The following NEGR1 variants were observed in gnomAD, a reference collection of about 807,000 sequenced individuals.
The protein encoded by NEGR1 is IgLON family member 4.
A neutral mutation model predicts 40.9 loss-of-function variants in NEGR1; 10 were observed. The ratio of observed to expected loss-of-function variants is 0.24; its 90% confidence interval spans 0.15 to 0.42. The LOEUF (loss-of-function observed/expected upper bound fraction) is 0.42, where lower values mean the gene tolerates loss of function less well. NEGR1 is among the 10% of genes least tolerant of loss of function. NEGR1 has a pLI of 1.00. For synonymous variants in NEGR1, 185 were observed against 166.8 expected (o/e 1.11, Z -0.84); for missense variants, 352 against 438.9 (o/e 0.80, Z 1.77).
intron 1 of NEGR1, among the ~76,000 whole-genome samples, chr1:72,227,109 T>G (rs1557587793): frequency 1.3e-5 from 2 of 152,110 alleles, no homozygotes; most frequent in African/African-American, 4.8e-5. Context: ...TGGGATGTGC[T>G]CTCTTGCATT....
chr1:72,136,607 G>T (rs1345511825), intron 1 of NEGR1, among the ~76,000 whole-genome samples: 6 of 121,552 alleles, frequency 4.9e-5, no homozygotes, highest in Non-Finnish European at 7.2e-5. Context: ...CAAAAAAAAT[G>T]AACTGAAACA....
At chr1:71,859,236 T>G (rs557904295) in intron 2 of NEGR1, among the ~76,000 whole-genome samples, 3 of 152,146 alleles carry the variant, frequency 2.0e-5, no homozygotes, top group Admixed American at 2.0e-4. Flanking sequence ...TCTCTGCTGT[T>G]TCCAGAACAT....
intron 2 of NEGR1, among the ~76,000 whole-genome samples, chr1:71,872,969 T>G (rs561846159): frequency 6.6e-6 from 1 of 152,140 alleles, no homozygotes; most frequent in South Asian, 2.1e-4. Flanking sequence ...CACACTACCC[T>G]TAGACTTAAC....
rs147852843 is a variant in NEGR1, at chr1:71,778,256, T to C, written c.410-1959A>G. On this transcript the variant is annotated intron_variant, in intron 2 of 6. Coordinates refer to ENST00000357731, the MANE Select transcript of NEGR1 (RefSeq NM_173808.3). ...AATGGTTCAATTATAATGTTTTTACTTTATAATGGTGTGAAAATAATATCC... is the reference window on the plus strand; with the variant it reads ...AATGGTTCAATTATAATGTTTTTACCTTATAATGGTGTGAAAATAATATCC... 5.3e-5 allele frequency among the ~76,000 whole-genome samples: 8 copies of C among 152,192 alleles called. No individual in the cohort carries two copies. In the East Asian group the frequency reaches 1.5e-3, roughly 29 times the overall value.
intron 4 of NEGR1, among the ~76,000 whole-genome samples, chr1:71,667,161 A>C (rs549411884): frequency 6.6e-6 from 1 of 152,226 alleles, no homozygotes; most frequent in Non-Finnish European, 1.5e-5. Flanking sequence ...ATTTTAGCAA[A>C]TGCAAAAATC....
At chr1:72,178,171 C>T (rs1441521066) in intron 1 of NEGR1, among the ~76,000 whole-genome samples, 1 of 151,724 alleles carries the variant, frequency 6.6e-6, no homozygotes, top group Non-Finnish European at 1.5e-5. Context: ...GGTTTATACT[C>T]AAAGGAACAA....
chr1:72,170,888 C>A (rs1038111759), intron 1 of NEGR1, among the ~76,000 whole-genome samples: 1 of 152,052 alleles, frequency 6.6e-6, no homozygotes, highest in Admixed American at 6.6e-5. Context: ...TGTGGGATAG[C>A]CTTATGCTTT....
chr1:71,970,400 C>T (rs982455355), intron 1 of NEGR1, among the ~76,000 whole-genome samples: 1 of 152,018 alleles, frequency 6.6e-6, no homozygotes, highest in Non-Finnish European at 1.5e-5. Flanking sequence ...AAAAAAGTCA[C>T]TCAATTAAGG....
chr1:72,191,431 GAGAC>G (rs1448259931), intron 1 of NEGR1, among the ~76,000 whole-genome samples: 3 of 151,746 alleles, frequency 2.0e-5, no homozygotes. Context: ...GGGAGAATGA[GAGAC>G]AGACAGAGAG....
At chr1:71,927,804 C>T (rs1281325207) in intron 2 of NEGR1, among the ~76,000 whole-genome samples, 1 of 95,256 alleles carries the variant, frequency 1.0e-5, no homozygotes, top group Non-Finnish European at 1.9e-5. Context: ...GGCAACATGG[C>T]AAGACCCAAT....
chr1:71,839,292 C>T (rs1040639034), intron 2 of NEGR1, among the ~76,000 whole-genome samples: 1 of 149,218 alleles, frequency 6.7e-6, no homozygotes, highest in Admixed American at 6.7e-5. Context: ...CAACCTCCTC[C>T]TCCTGGGTTC....
chr1:71,926,588 T>C lies in NEGR1; in HGVS notation c.409+8491A>G, dbSNP rs540412425. Among the ~76,000 whole-genome samples the C allele has an allele frequency of 3.3e-4, 49 of 148,620 alleles. No individual in the cohort carries two copies. The Middle Eastern group carries it at 0.021, about 64-fold the overall frequency. On this transcript the variant is annotated intron_variant, in intron 2 of 6. Coordinates refer to ENST00000357731, the MANE Select transcript of NEGR1 (RefSeq NM_173808.3). ...CTATGAACTCACAAAGTTCCTTCTA[T>C]AGGAAAAAAAAAAAGAGATGACTCA...
chr1:71,635,264 C>G (rs1006221746), intron 4 of NEGR1, among the ~76,000 whole-genome samples: 1 of 152,014 alleles, frequency 6.6e-6, no homozygotes, highest in Non-Finnish European at 1.5e-5. Flanking sequence ...AAGCCTCTCC[C>G]GACTTTAACC....
In NEGR1 at chr1:71,830,943, G is replaced by GA. The variant is rs368927272; in HGVS notation, c.410-54647dup. On this transcript the variant is annotated intron_variant, in intron 2 of 6. Coordinates refer to ENST00000357731, the MANE Select transcript of NEGR1 (RefSeq NM_173808.3). ...TTTTAAGATCACACCATAGTTGTGG[G>GA]AAAAAAAAAATGTGTACCATTTGGA... 2.6e-3 allele frequency among the ~76,000 whole-genome samples: 391 copies of GA among 147,978 alleles called. 3 individuals carry two copies. The highest frequency in any genetic ancestry group is 6.4e-3 in the African/African-American group (260 of 40,528).
intron 4 of NEGR1, among the ~76,000 whole-genome samples, chr1:71,675,408 T>C (rs930256162): frequency 1.4e-4 from 21 of 151,214 alleles, no homozygotes; most frequent in Admixed American, 1.3e-3. Context: ...GAGAAAGGTA[T>C]ATATAGATGT....
intron 2 of NEGR1, among the ~76,000 whole-genome samples, chr1:71,928,929 G>T (rs1557439836): frequency 6.6e-6 from 1 of 152,062 alleles, no homozygotes; most frequent in South Asian, 2.1e-4. Flanking sequence ...TGTAAATGGG[G>T]TAAGTAAATA....
intron 2 of NEGR1, among the ~76,000 whole-genome samples, chr1:71,897,560 A>T (rs1661007115): frequency 6.6e-6 from 1 of 152,228 alleles, no homozygotes; most frequent in South Asian, 2.1e-4. Flanking sequence ...TTTGTATTTC[A>T]TATTTATACA....
At chr1:72,258,258 A>G (rs1655339337) in intron 1 of NEGR1, among the ~76,000 whole-genome samples, 1 of 152,298 alleles carries the variant, frequency 6.6e-6, no homozygotes, top group African/African-American at 2.4e-5. Flanking sequence ...GAGGCTAAGG[A>G]TACTGCTAAA....
chr1:72,269,022 G>A (rs941453349), intron 1 of NEGR1, among the ~76,000 whole-genome samples: 4 of 151,402 alleles, frequency 2.6e-5, no homozygotes, highest in African/African-American at 4.8e-5. Context: ...TCTAGAAGAC[G>A]GATATATAAG....
Sources: gnomAD v4.1 joint callset for allele counts (sites outside exome capture counted in the v4.1 genomes callset) on GRCh38, gnomAD v4.1.1 for gene constraint, MANE v1.5 for transcripts, NCBI Gene and HGNC (gene_info 2026-07-23, HGNC 2026-07-21) for gene names.